Variants in EPHA3 observed in about 807,000 individuals in gnomAD.
EPHA3 encodes the protein ephrin type-A receptor 3.
EPHA3 carries 42 observed loss-of-function variants against 107.1 expected under a neutral mutation model. The ratio of observed to expected loss-of-function variants is 0.39; its 90% CI spans 0.31 to 0.51. EPHA3 has a LOEUF of 0.51. Ranked by LOEUF, EPHA3 falls within the 20% of genes least tolerant of loss-of-function variation. EPHA3 has a pLI of 0.78. For synonymous variants in EPHA3, 461 were observed against 424.8 expected (o/e 1.09, Z -1.05); for missense variants, 1,183 against 1,211.2 (o/e 0.98, Z 0.35).
At chr3:89,308,067 T>C (rs186485818) in intron 3 of EPHA3, among the ~76,000 whole-genome samples, 16 of 152,266 alleles carry the variant, frequency 1.1e-4, no homozygotes, top group African/African-American at 3.6e-4. Context: ...GTCTTGGTGA[T>C]TTTTTAATGT....
At chr3:89,336,893 C>T (rs1208523868) in intron 3 of EPHA3, among the ~76,000 whole-genome samples, 3 of 152,066 alleles carry the variant, frequency 2.0e-5, no homozygotes, top group African/African-American at 4.8e-5. Context: ...GACCTCATCT[C>T]TACTAAAAGT....
intron 2 of EPHA3, among the ~76,000 whole-genome samples, chr3:89,169,732 A>T (rs1242060944): frequency 6.6e-6 from 1 of 152,180 alleles, no homozygotes; most frequent in Non-Finnish European, 1.5e-5. Flanking sequence ...GTTCTCTTGC[A>T]TTTATTAGGT....
At chr3:89,247,869 G>A (rs1705072615) in intron 3 of EPHA3, among the ~76,000 whole-genome samples, 3 of 152,140 alleles carry the variant, frequency 2.0e-5, no homozygotes. Flanking sequence ...ATTGTCTATA[G>A]AGACTAAAAA....
chr3:89,377,365 G>T (rs1448029606), intron 5 of EPHA3, among the ~76,000 whole-genome samples: 1 of 152,022 alleles, frequency 6.6e-6, no homozygotes, highest in Non-Finnish European at 1.5e-5. Context: ...CCAACATCTG[G>T]TCTTACTGAA....
intron 2 of EPHA3, among the ~76,000 whole-genome samples, chr3:89,174,779 A>AAGATGG (rs1352445913): frequency 6.6e-6 from 1 of 152,002 alleles, no homozygotes; most frequent in African/African-American, 2.4e-5. Flanking sequence ...TACTTTAAAA[A>AAGATGG]AGATGGAGCT....
intron 15 of EPHA3, among the ~76,000 whole-genome samples, chr3:89,453,131 C>T (rs1710026684): frequency 6.6e-6 from 1 of 152,028 alleles, no homozygotes; most frequent in Admixed American, 6.6e-5. Flanking sequence ...GATAACAAAC[C>T]TGTCCTTTCC....
In EPHA3 at chr3:89,407,308, T is replaced by A. The variant is rs774612991; in HGVS notation, c.1634T>A (p.Ile545Asn). The change falls in exon 8 of 17, where the codon ATC (isoleucine) becomes AAC (asparagine). Residue 545 changes from isoleucine (I) to asparagine (N), a missense_variant. By Grantham distance (149) the Ile-to-Asn change is moderately radical. Transcript: ENST00000336596. ...ISGESSQVVM[I>N]AISAAVAIIL... ...GGTGAAAGTAGCCAAGTGGTCATGA[T>A]CGCCATTTCAGCGGCAGTAGCAATT... 6.2e-7 allele frequency: 1 copy of A among 1,613,670 alleles called. No individual in the cohort carries two copies. The highest frequency in any genetic ancestry group is 1.1e-5 in the South Asian group (1 of 91,078).
At chr3:89,414,589 C>A (rs1446106210) in intron 10 of EPHA3, among the ~76,000 whole-genome samples, 1 of 151,502 alleles carries the variant, frequency 6.6e-6, no homozygotes, top group African/African-American at 2.4e-5. Flanking sequence ...ACGGAGCCTG[C>A]GGTAGCAAAT....
At chr3:89,197,080 C>G (rs890323965) in intron 2 of EPHA3, among the ~76,000 whole-genome samples, 1 of 152,056 alleles carries the variant, frequency 6.6e-6, no homozygotes, top group Non-Finnish European at 1.5e-5. Flanking sequence ...CTATTCAAAC[C>G]CTTTACTAAA....
At chr3:89,393,417 G>A (rs941799523) in intron 5 of EPHA3, among the ~76,000 whole-genome samples, 11 of 152,120 alleles carry the variant, frequency 7.2e-5, no homozygotes, top group African/African-American at 2.4e-4. Context: ...AATCCTCATC[G>A]CAATTGTTCT....
intron 5 of EPHA3, among the ~76,000 whole-genome samples, chr3:89,394,988 T>G (rs1345709594): frequency 6.6e-6 from 1 of 152,226 alleles, no homozygotes; most frequent in Non-Finnish European, 1.5e-5. Context: ...ATGGAAGGGT[T>G]TGAAGAAGGA....
At chr3:89,429,344 A>T (rs1017513987) in intron 12 of EPHA3, among the ~76,000 whole-genome samples, 177 bp downstream of exon 12, 1 of 152,162 alleles carries the variant, frequency 6.6e-6, no homozygotes, top group African/African-American at 2.4e-5. Flanking sequence ...CAGCATTCAA[A>T]TGTTAATGGT....
intron 7 of EPHA3, among the ~76,000 whole-genome samples, chr3:89,402,016 CA>C (rs1192460878): frequency 6.6e-6 from 1 of 152,144 alleles, no homozygotes; most frequent in African/African-American, 2.4e-5. Context: ...TATTATGAGG[CA>C]AAAAGCTCAG....
chr3:89,179,274 A>G (rs567628294), intron 2 of EPHA3, among the ~76,000 whole-genome samples: 6 of 152,090 alleles, frequency 3.9e-5, no homozygotes, highest in Non-Finnish European at 8.8e-5. Context: ...GATCTCTGAT[A>G]TCTCTTATTC....
chr3:89,355,828 AT>A (rs951569628), intron 5 of EPHA3, among the ~76,000 whole-genome samples: 1 of 147,488 alleles, frequency 6.8e-6, no homozygotes, highest in East Asian at 2.0e-4. Flanking sequence ...ATATATATAT[AT>A]TTTTTATTTT....
At chr3:89,385,101 A>C (rs776151514) in intron 5 of EPHA3, among the ~76,000 whole-genome samples, 11 of 152,216 alleles carry the variant, frequency 7.2e-5, no homozygotes, top group Non-Finnish European at 1.3e-4. Flanking sequence ...ACAGTATTTT[A>C]TGATAGGTTT....
At chr3:89,244,255 A>G (rs534284113) in intron 3 of EPHA3, among the ~76,000 whole-genome samples, 2 of 152,254 alleles carry the variant, frequency 1.3e-5, no homozygotes, top group South Asian at 4.1e-4. Flanking sequence ...TACCAGGAAT[A>G]TTAATTTTTA....
At chr3:89,402,643 T>C (rs1054033989) in intron 7 of EPHA3, among the ~76,000 whole-genome samples, 14 of 152,130 alleles carry the variant, frequency 9.2e-5, no homozygotes, top group African/African-American at 3.4e-4. Flanking sequence ...CTTCTGTTTG[T>C]ATTTAACAGT....
At chr3:89,378,062 T>C (rs1417518121) in intron 5 of EPHA3, among the ~76,000 whole-genome samples, 3 of 151,876 alleles carry the variant, frequency 2.0e-5, no homozygotes, top group Non-Finnish European at 4.4e-5. Context: ...AGCTGAACAA[T>C]GAGAACACTT....
Sources: gnomAD v4.1 joint callset for allele counts (sites outside exome capture counted in the v4.1 genomes callset) on GRCh38, gnomAD v4.1.1 for gene constraint, MANE v1.5 for transcripts, NCBI Gene and HGNC (gene_info 2026-07-23, HGNC 2026-07-21) for gene names.